The following ARFGEF3 variants were observed in gnomAD, a reference collection of about 807,000 sequenced individuals.
ARFGEF3 encodes the protein brefeldin A-inhibited guanine nucleotide-exchange protein 3.
Under a neutral mutation model 221.7 loss-of-function variants are expected in ARFGEF3, and 96 were observed. The ratio of observed to expected loss-of-function variants is 0.43; its 90% CI spans 0.37 to 0.51. The LOEUF (loss-of-function observed/expected upper bound fraction) is 0.51, where lower values mean the gene tolerates loss of function less well. ARFGEF3 is among the 20% of genes least tolerant of loss of function. The pLI, the probability that ARFGEF3 is intolerant of heterozygous loss-of-function variation, is 0.00. For synonymous variants in ARFGEF3, 1,145 were observed against 1,126.8 expected (o/e 1.02, Z -0.32); for missense variants, 2,410 against 2,789.9 (o/e 0.86, Z 3.07).
At chr6:138,302,477 C>T (rs1056056187) in intron 22 of ARFGEF3, among the ~76,000 whole-genome samples, 12 of 152,096 alleles carry the variant, frequency 7.9e-5, no homozygotes, top group African/African-American at 2.7e-4. Context: ...TACCAACATA[C>T]CTGTAATGGG....
intron 3 of ARFGEF3, among the ~76,000 whole-genome samples, chr6:138,208,507 A>T (rs930463720): frequency 9.2e-5 from 14 of 152,312 alleles, no homozygotes; most frequent in Non-Finnish European, 1.6e-4. Context: ...CACTGGATGG[A>T]TCAGAATTCT....
At position 138,340,767 on chromosome 6, in the gene ARFGEF3, C is replaced by T. The variant is rs142132773; in HGVS notation, c.*4281C>T. The T allele has an allele frequency of 6.6e-6, 1 of 152,162 alleles. No homozygotes were observed. Among genetic ancestry groups the T allele is most frequent in the African/African-American group, 2.4e-5 (1 of 41,498 alleles). 9.4% of individuals were successfully genotyped at this position (152,162 alleles called of 1,614,324 possible). ...AAAGAGGTGTTTCTGAATTCAAGGG[C>T]CATACTCTCTCTCTGACAACATGCT... On this transcript the variant is annotated 3_prime_UTR_variant, in exon 34 of 34. Transcript: ENST00000251691.
chr6:138,300,671 C>G lies in ARFGEF3; in HGVS notation c.3828+1886C>G, dbSNP rs372692545. ...GCCATCACAGCAAAAACCGCAATTA[C>G]TTTTGCACCAACATAATAAAAGACG... On this transcript the variant is annotated intron_variant, in intron 22 of 33. Transcript: ENST00000251691. Among the ~76,000 whole-genome samples, 9 of 152,294 alleles carry G rather than the reference C, an allele frequency of 5.9e-5. No homozygotes were observed. The East Asian group carries it at 1.7e-3, about 29-fold the overall frequency.
At chr6:138,260,000 G>A (rs899931379) in intron 10 of ARFGEF3, among the ~76,000 whole-genome samples, 4 of 152,212 alleles carry the variant, frequency 2.6e-5, no homozygotes, top group African/African-American at 9.6e-5. Flanking sequence ...TGGGATGCCA[G>A]GAGACAGTGA....
chr6:138,326,500 G>C (rs548990881), intron 31 of ARFGEF3, among the ~76,000 whole-genome samples: 1 of 151,960 alleles, frequency 6.6e-6, no homozygotes, highest in Non-Finnish European at 1.5e-5. Flanking sequence ...ACATACATGC[G>C]GCCAACATAT....
intron 2 of ARFGEF3, among the ~76,000 whole-genome samples, chr6:138,186,313 G>A (rs909581272): frequency 6.6e-6 from 1 of 152,180 alleles, no homozygotes; most frequent in South Asian, 2.1e-4. Context: ...ATGAGATGGG[G>A]CTATTTTCCT....
chr6:138,308,802 T>A lies in ARFGEF3; in HGVS notation c.4037T>A (p.Val1346Asp), dbSNP rs749800393. ...EAFLNTDNIQ[V>D]FANAATSYIM... ...TTTCTCAATACTGACAACATCCAGG[T>A]CTTTGCTAATGCAGCCACTAGCTAC... The change falls in exon 24 of 34, where the codon GTC (valine) becomes GAC (aspartate). Residue 1346 changes from valine (V) to aspartate (D), a missense_variant. Val to Asp is a radical substitution (Grantham distance 152). Around this residue, in one of 5 missense-constraint regions of ARFGEF3, gnomAD observed 723 missense variants for 991.9 expected, o/e 0.73. Coordinates refer to ENST00000251691, the MANE Select transcript of ARFGEF3 (RefSeq NM_020340.5). 6.2e-7 allele frequency: 1 copy of A among 1,613,994 alleles called. No individual in the cohort carries two copies. The highest frequency in any genetic ancestry group is 1.7e-5 in the Admixed American group (1 of 60,028).
Position 138,339,495 on chromosome 6 carries a change from T to G in ARFGEF3, c.*3009T>G, listed in dbSNP as rs754564450. On this transcript the variant is annotated 3_prime_UTR_variant, in exon 34 of 34. Coordinates refer to ENST00000251691, the MANE Select transcript of ARFGEF3 (RefSeq NM_020340.5). Reference sequence around the variant, plus strand: ...AAGCAGAATGAGAGTTTATACATTGTTTTTAGTTGCCTGTATTTATAGCCA... The same window carrying G: ...AAGCAGAATGAGAGTTTATACATTGGTTTTAGTTGCCTGTATTTATAGCCA... The G allele has an allele frequency of 2.6e-5, 4 of 152,232 alleles. No individual in the cohort carries two copies. Among genetic ancestry groups the G allele is most frequent in the Non-Finnish European group, 5.9e-5 (4 of 68,032 alleles). 9.4% of individuals were successfully genotyped at this position (152,232 alleles called of 1,614,324 possible).
At chr6:138,329,375 T>C (rs976630664) in intron 32 of ARFGEF3, among the ~76,000 whole-genome samples, 3 of 152,092 alleles carry the variant, frequency 2.0e-5, no homozygotes, top group Admixed American at 6.5e-5. Context: ...GAATCAAAAC[T>C]GGCTCTGGGC....
chr6:138,314,074 G>GA (rs1350904543), intron 26 of ARFGEF3, 135 bp downstream of exon 26: 17 of 938,460 alleles, frequency 1.8e-5, no homozygotes, highest in Non-Finnish European at 2.6e-5. Context: ...GAATACTTGA[G>GA]AGTGATAAAT....
chr6:138,292,192 C>T, intron 19 of ARFGEF3, 139 bp downstream of exon 19: 1 of 773,252 alleles, frequency 1.3e-6, no homozygotes, highest in Non-Finnish European at 1.9e-6. Context: ...AAGCTTAGTT[C>T]TCTCTACCAT....
chr6:138,217,732 T>TA, intron 4 of ARFGEF3: 1 of 426,204 alleles, frequency 2.3e-6, no homozygotes. Flanking sequence ...TGGTAGTTTT[T>TA]AATGGCCCAC....
chr6:138,270,370 T>TC (rs1778980521), intron 12 of ARFGEF3, among the ~76,000 whole-genome samples: 1 of 151,208 alleles, frequency 6.6e-6, no homozygotes, highest in Non-Finnish European at 1.5e-5. Context: ...AAACCAATTT[T>TC]CAGGAGTTTA....
rs778477657 is a variant in ARFGEF3 at position 138,218,128 on chromosome 6, T to C, written c.351+8087T>C. 7 of 1,614,000 alleles carry C rather than the reference T, an allele frequency of 4.3e-6. 1 individual carries two copies. In the South Asian group the frequency reaches 7.7e-5, roughly 18 times the overall value. ...GAACATTTCATTGAGGAACCTTTCA[T>C]GGTCAAGTGTGTCTGCAAGGGTGTG... is the stretch of plus-strand genomic sequence containing the variant. On this transcript the variant is annotated intron_variant, in intron 4 of 33. Transcript: ENST00000251691.
rs558412352 is a variant in ARFGEF3, at chr6:138,271,185, A to G, written c.2129-7266A>G. ...ACCAACACCTGGCATTGTGGAATAT[A>G]AAACTTAGAGAATACAATAATATAA... is the stretch of plus-strand genomic sequence containing the variant. On this transcript the variant is annotated intron_variant, in intron 12 of 33. Coordinates refer to ENST00000251691, the MANE Select transcript of ARFGEF3 (RefSeq NM_020340.5). 3.3e-5 allele frequency among the ~76,000 whole-genome samples: 5 copies of G among 152,350 alleles called. No homozygotes were observed. In the South Asian group the frequency reaches 6.2e-4, roughly 19 times the overall value.
chr6:138,287,264 C>A, intron 17 of ARFGEF3, 80 bp downstream of exon 17: 1 of 1,043,436 alleles, frequency 9.6e-7, no homozygotes, highest in Non-Finnish European at 1.4e-6. Context: ...ACACGCCAGC[C>A]AACACTCGTG....
At position 138,179,449 on chromosome 6, in the gene ARFGEF3, G is replaced by A. The variant is rs575997264; in HGVS notation, c.137+8736G>A. On this transcript the variant is annotated intron_variant, in intron 2 of 33. Transcript: ENST00000251691. Reference sequence around the variant, plus strand: ...TCTTGCCAGTTGTACTTTCCAAAAAGATTCTAACAGCTTTTTTTTTTCCCA... The same window carrying A: ...TCTTGCCAGTTGTACTTTCCAAAAAAATTCTAACAGCTTTTTTTTTTCCCA... Among the ~76,000 whole-genome samples, 22 of 151,946 alleles carry A rather than the reference G, an allele frequency of 1.4e-4. 1 individual carries two copies. Among genetic ancestry groups the A allele is most frequent in the African/African-American group, 4.8e-4 (20 of 41,388 alleles).
At position 138,335,072 on chromosome 6, in the gene ARFGEF3, A is replaced by C. The variant is rs1013266857; in HGVS notation, c.6226A>C (p.Met2076Leu). The change falls in exon 33 of 34, where the codon ATG (methionine) becomes CTG (leucine). Residue 2076 changes from methionine to leucine, a missense_variant. Met to Leu is a conservative substitution (Grantham distance 15). Coordinates refer to ENST00000251691, the MANE Select transcript of ARFGEF3 (RefSeq NM_020340.5). ...CCAGCACTTGATGGACCAAGGGCAA[A>C]TGCGGCATTCCTTCAGCGCAGGCCC... Reference protein sequence around the residue: ...RPQHLMDQGQMRHSFSAGPEL... With the variant: ...RPQHLMDQGQLRHSFSAGPEL... 2.5e-6 allele frequency: 4 copies of C among 1,600,446 alleles called. No individual in the cohort carries two copies. The highest frequency in any genetic ancestry group is 3.4e-6 in the Non-Finnish European group (4 of 1,174,300).
intron 2 of ARFGEF3, among the ~76,000 whole-genome samples, chr6:138,187,363 T>C (rs994381076): frequency 2.0e-5 from 3 of 152,060 alleles, no homozygotes; most frequent in South Asian, 2.1e-4. Flanking sequence ...TGGACCAGAG[T>C]CCTTTTCACA....
Sources: gnomAD v4.1 joint callset for allele counts (sites outside exome capture counted in the v4.1 genomes callset) on GRCh38, gnomAD v4.1.1 for gene constraint, gnomAD v4.1.1 regional missense constraint, MANE v1.5 for transcripts, NCBI Gene and HGNC (gene_info 2026-07-23, HGNC 2026-07-21) for gene names.